The following TIAM1 variants were observed in gnomAD, a reference collection of about 807,000 sequenced individuals.
The protein encoded by TIAM1 is TIAM Rac1 associated GEF 1.
TIAM1 carries 65 observed loss-of-function variants against 163.5 expected under a neutral mutation model. The observed-to-expected ratio is 0.40, with a 90% CI of 0.33 to 0.49. The LOEUF (loss-of-function observed/expected upper bound fraction) is 0.49, where lower values mean the gene tolerates loss of function less well. Ranked by LOEUF, TIAM1 falls within the 20% of genes least tolerant of loss-of-function variation. The probability of loss-of-function intolerance (pLI) is 0.77; values close to 1 mark genes in which losing one functional copy is unlikely to be tolerated. For missense variants in TIAM1, 1,789 were observed against 2,044.7 expected, an observed-to-expected ratio of 0.87 and a Z score of 2.41; for synonymous variants, 833 against 810.1, an observed-to-expected ratio of 1.03 and a Z score of -0.48.
intron 2 of TIAM1, among the ~76,000 whole-genome samples, chr21:31,438,179 C>CTTTTTTTTTTTTTTTTTTTTTTTT (rs34844399): frequency 4.8e-5 from 3 of 62,686 alleles, no homozygotes; most frequent in African/African-American, 2.1e-4. Context: ...TATTTGTGAT[C>CTTTTTTTTTTTTTTTTTTTTTTTT]TTTTTTTTTT....
chr21:31,524,633 T>A (rs558617120), intron 1 of TIAM1, among the ~76,000 whole-genome samples: 2 of 152,318 alleles, frequency 1.3e-5, no homozygotes, highest in South Asian at 4.1e-4. Flanking sequence ...TCAGGAGGAA[T>A]AATCAGAGTT....
rs149852742 is a variant in TIAM1, at chr21:31,412,639, G to A, written c.-369+51344C>T. On this transcript the variant is annotated intron_variant, in intron 2 of 28. Transcript: ENST00000286827. Reference sequence around the variant, plus strand: ...TCTACTAAAAATACAAAAATTAGCCGGGCATGATAGTGCATGCCTGGAATC... The same window carrying A: ...TCTACTAAAAATACAAAAATTAGCCAGGCATGATAGTGCATGCCTGGAATC... Among the ~76,000 whole-genome samples, 1,515 of 151,854 alleles carry A rather than the reference G, an allele frequency of 1.0e-2. 21 individuals are homozygous for A. Among genetic ancestry groups the A allele is most frequent in the African/African-American group, 0.035 (1,434 of 41,380 alleles).
chr21:31,516,137 C>A (rs2047374100), intron 1 of TIAM1, among the ~76,000 whole-genome samples: 1 of 133,214 alleles, frequency 7.5e-6, no homozygotes. Context: ...AGGGGCTGGG[C>A]ACAGTGGCTC....
intron 2 of TIAM1, among the ~76,000 whole-genome samples, chr21:31,312,575 AACAT>A (rs1381932735): frequency 6.6e-6 from 1 of 152,208 alleles, no homozygotes; most frequent in Non-Finnish European, 1.5e-5. Flanking sequence ...CTTCTTAAGA[AACAT>A]ACATACACCC....
chr21:31,243,539 G>A (rs1247240194), intron 6 of TIAM1, among the ~76,000 whole-genome samples: 2 of 151,918 alleles, frequency 1.3e-5, no homozygotes, highest in East Asian at 3.9e-4. Flanking sequence ...ACAAACACAT[G>A]CACACAAATC....
intron 9 of TIAM1, among the ~76,000 whole-genome samples, chr21:31,215,568 GAAA>G (rs398040071): frequency 7.9e-5 from 6 of 75,548 alleles, no homozygotes; most frequent in South Asian, 4.9e-4. Flanking sequence ...TCTCAAAAAA[GAAA>G]AAAAAAAAAA....
At chr21:31,536,423 C>A (rs905540982) in intron 1 of TIAM1, among the ~76,000 whole-genome samples, 1 of 152,204 alleles carries the variant, frequency 6.6e-6, no homozygotes, top group East Asian at 1.9e-4. Flanking sequence ...ATGGTGCAAT[C>A]TGGACCACCC....
chr21:31,322,054 A>C (rs941566629), intron 2 of TIAM1, among the ~76,000 whole-genome samples: 6 of 152,136 alleles, frequency 3.9e-5, no homozygotes, highest in Admixed American at 1.3e-4. Context: ...AACAAACAAA[A>C]AAACAAAAAA....
intron 1 of TIAM1, among the ~76,000 whole-genome samples, chr21:31,555,052 T>G (rs906218146): frequency 2.0e-5 from 3 of 152,276 alleles, no homozygotes; most frequent in Admixed American, 2.0e-4. Context: ...TCGTGTACCC[T>G]TTTACACTAG....
rs760056585 is a variant in TIAM1, at chr21:31,152,654, C to T, written c.3348G>A (p.Glu1116=). Residue 1116 remains glutamate, a synonymous_variant, in exon 19 of 28, where the codon GAG becomes GAA. Coordinates refer to ENST00000541036, the MANE Select transcript of TIAM1 (RefSeq NM_001353694.2). ...VRLVPDLEKL[E]KVDQFKKVLF... is the part of the protein sequence containing the mutation. ...TATTTACCTTAAATTGATCAACCTT[C>T]TCAAGCTTTTCCAAATCAGGTACCA... 2 of 1,614,084 alleles carry T rather than the reference C, an allele frequency of 1.2e-6. No individual in the cohort carries two copies. Among genetic ancestry groups the T allele is most frequent in the Admixed American group, 3.3e-5 (2 of 60,010 alleles).
intron 2 of TIAM1, among the ~76,000 whole-genome samples, chr21:31,287,812 G>T (rs144356208): frequency 6.6e-6 from 1 of 152,184 alleles, no homozygotes; most frequent in Admixed American, 6.5e-5. Flanking sequence ...GGGATTACAC[G>T]ATGAGATTTT....
chr21:31,529,268 G>T (rs2047898867), intron 1 of TIAM1, among the ~76,000 whole-genome samples: 1 of 151,732 alleles, frequency 6.6e-6, no homozygotes, highest in Non-Finnish European at 1.5e-5. Flanking sequence ...AATGGGGAAA[G>T]GTGGAAAAAA....
At chr21:31,387,496 A>T (rs980718482) in intron 2 of TIAM1, among the ~76,000 whole-genome samples, 6 of 151,714 alleles carry the variant, frequency 4.0e-5, no homozygotes, top group African/African-American at 1.5e-4. Context: ...TACAGGCATG[A>T]GCCACCGAGC....
At chr21:31,175,952 A>G (rs892891326) in intron 15 of TIAM1, among the ~76,000 whole-genome samples, 6 of 152,164 alleles carry the variant, frequency 3.9e-5, no homozygotes, top group African/African-American at 1.2e-4. Flanking sequence ...TTGCTTTCCT[A>G]TATTGATGTT....
Position 31,224,292 on chromosome 21 carries a change from A to G in TIAM1, c.1810-701T>C, listed in dbSNP as rs2211829. ...CCCTTTTTGCTTCAACAAAATATAT[A>G]TCACTGTACACACATGTTCATAGCA... is the stretch of plus-strand genomic sequence containing the variant. On this transcript the variant is annotated intron_variant, in intron 7 of 27. Coordinates refer to ENST00000541036, the MANE Select transcript of TIAM1 (RefSeq NM_001353694.2). Among the ~76,000 whole-genome samples, 1,017 of 152,308 alleles carry G rather than the reference A, an allele frequency of 6.7e-3. 5 individuals are homozygous for G. The highest frequency in any genetic ancestry group is 9.0e-3 in the Non-Finnish European group (615 of 68,030).
rs966720253 is a variant in TIAM1 at position 31,181,459 on chromosome 21, T to C, written c.2887+962A>G. On this transcript the variant is annotated intron_variant, in intron 15 of 27. Coordinates refer to ENST00000541036, the MANE Select transcript of TIAM1 (RefSeq NM_001353694.2). ...AGGCAGGTGGCACTCACGCTGCTTCTAGTAGAATGAGCACAGGTTGCCAGA... is the reference window on the plus strand; with the variant it reads ...AGGCAGGTGGCACTCACGCTGCTTCCAGTAGAATGAGCACAGGTTGCCAGA... 2.0e-5 allele frequency among the ~76,000 whole-genome samples: 3 copies of C among 149,788 alleles called. No homozygotes were observed. In the Admixed American group the frequency reaches 2.0e-4, roughly 10 times the overall value.
intron 1 of TIAM1, among the ~76,000 whole-genome samples, chr21:31,475,779 GA>G (rs1308720850): frequency 6.6e-6 from 1 of 152,202 alleles, no homozygotes; most frequent in Non-Finnish European, 1.5e-5. Flanking sequence ...AGAAAACAGC[GA>G]AACGATCTTG....
At chr21:31,327,917 A>C (rs1331890418) in intron 2 of TIAM1, among the ~76,000 whole-genome samples, 2 of 152,014 alleles carry the variant, frequency 1.3e-5, no homozygotes, top group East Asian at 3.9e-4. Flanking sequence ...TCCTATCCAC[A>C]ACCCTCAAAG....
At chr21:31,125,176 G>A (rs1315503450) in intron 26 of TIAM1, among the ~76,000 whole-genome samples, 2 of 150,848 alleles carry the variant, frequency 1.3e-5, no homozygotes, top group African/African-American at 4.9e-5. Flanking sequence ...ATATATTAAG[G>A]CTGTAAAGAA....
Sources: gnomAD v4.1 joint callset for allele counts (sites outside exome capture counted in the v4.1 genomes callset) on GRCh38, gnomAD v4.1.1 for gene constraint, MANE v1.5 for transcripts, NCBI Gene and HGNC (gene_info 2026-07-23, HGNC 2026-07-21) for gene names.